Variants in N4BP2L1 observed in about 807,000 individuals in gnomAD.
N4BP2L1 encodes the protein NEDD4 binding protein 2 like 1, also known as NEDD4-binding protein 2-like 1.
N4BP2L1 carries 12 observed loss-of-function variants against 21.2 expected under a neutral mutation model. That is an observed-to-expected ratio of 0.57 (90% CI 0.36 to 0.92). N4BP2L1 has a LOEUF of 0.92. N4BP2L1 is among the 40% of genes least tolerant of loss of function. The pLI, the probability that N4BP2L1 is intolerant of heterozygous loss-of-function variation, is 0.01. For missense variants in N4BP2L1, 259 were observed against 310.6 expected (o/e 0.83, Z 1.25); for synonymous variants, 104 against 112.8 (o/e 0.92, Z 0.49).
At position 32,423,305 on chromosome 13, in the gene N4BP2L1, G is replaced by A. The variant is rs573743088; in HGVS notation, c.179+4599C>T. Among the ~76,000 whole-genome samples, 9 of 152,240 alleles carry A rather than the reference G, an allele frequency of 5.9e-5. No homozygotes were observed. The South Asian group carries it at 8.3e-4, about 14-fold the overall frequency. On this transcript the variant is annotated intron_variant, in intron 1 of 4. Coordinates refer to ENST00000380130, the MANE Select transcript of N4BP2L1 (RefSeq NM_052818.3). ...ATAAGGAGAAAAGACAGCTGTCAGC[G>A]GGCATCCTTTGAGCCTAACTGAATC...
At position 32,422,290 on chromosome 13, in the gene N4BP2L1, C is replaced by T. The variant is rs554389455; in HGVS notation, c.179+5614G>A. The stretch of plus-strand genomic sequence containing the variant: ...TTTTTCATTATACGACAGATCAAAA[C>T]CAAACTCATTACCCTTTCACGAGAT... On this transcript the variant is annotated intron_variant, in intron 1 of 4. Transcript: ENST00000380130. 2.0e-5 allele frequency among the ~76,000 whole-genome samples: 3 copies of T among 152,176 alleles called. No individual in the cohort carries two copies. The East Asian group carries it at 5.8e-4, about 29-fold the overall frequency.
chr13:32,412,756 T>C (rs570053854), intron 1 of N4BP2L1, among the ~76,000 whole-genome samples: 1 of 152,328 alleles, frequency 6.6e-6, no homozygotes, highest in South Asian at 2.1e-4. Flanking sequence ...AATACCATTA[T>C]TGCATCTAAA....
chr13:32,403,205 ATGG>A lies in N4BP2L1; in HGVS notation c.474-8_474-6del. ...GAGACACCATGAATGTTTCTTCTACATGGAAAAAAAATGCATTTAGTTAAGGCA... is the reference window on the plus strand; with the variant it reads ...GAGACACCATGAATGTTTCTTCTACAAAAAAAAATGCATTTAGTTAAGGCA... On this transcript the variant is annotated splice_region_variant and splice_polypyrimidine_tract_variant and intron_variant, in intron 4 of 4. Transcript: ENST00000380130. 2 of 1,584,344 alleles carry A rather than the reference ATGG, an allele frequency of 1.3e-6. No individual in the cohort carries two copies. The highest frequency in any genetic ancestry group is 1.8e-5 in the Admixed American group (1 of 55,472).
intron 3 of N4BP2L1, among the ~76,000 whole-genome samples, chr13:32,405,892 CTTTTTTTTTTTT>C (rs754694153): frequency 2.0e-5 from 2 of 101,192 alleles, no homozygotes; most frequent in Non-Finnish European, 3.7e-5. Context: ...TTCCTGCCCC[CTTTTTTTTTTTT>C]TTTTTTTTTT....
chr13:32,411,757 T>A (rs1045600668), intron 1 of N4BP2L1: 2 of 980,364 alleles, frequency 2.0e-6, no homozygotes, highest in African/African-American at 3.5e-5. Context: ...CTTATTCTTT[T>A]GTGTAATTCT....
At chr13:32,417,633 CT>C in intron 1 of N4BP2L1, among the ~76,000 whole-genome samples, 1 of 152,182 alleles carries the variant, frequency 6.6e-6, no homozygotes, top group South Asian at 2.1e-4. Flanking sequence ...GTGAAAGCAA[CT>C]TTGGAACTGG....
intron 3 of N4BP2L1, among the ~76,000 whole-genome samples, chr13:32,405,891 C>T (rs1276497169): frequency 1.5e-5 from 2 of 134,174 alleles, no homozygotes; most frequent in Admixed American, 1.6e-4. Context: ...CTTCCTGCCC[C>T]CTTTTTTTTT....
At chr13:32,403,735 C>G (rs1566279577) in intron 4 of N4BP2L1, 1 of 536,236 alleles carries the variant, frequency 1.9e-6, no homozygotes, top group Non-Finnish European at 3.8e-6. Context: ...GAGTAGTCCA[C>G]AGATCCACTT....
Position 32,401,630 on chromosome 13 carries a change from C to G in N4BP2L1, c.*1312G>C, listed in dbSNP as rs1434657185. 1.3e-5 allele frequency: 2 copies of G among 152,458 alleles called. No homozygotes were observed. Among genetic ancestry groups the G allele is most frequent in the African/African-American group, 4.8e-5 (2 of 41,380 alleles). 9.4% of individuals were successfully genotyped at this position (152,458 alleles called of 1,614,324 possible). A position where few individuals can be genotyped will look rare whatever the true frequency, so the allele number is the denominator to read the frequency against. ...ATTAAAAAAAAGACTGGTAAATAAG[C>G]CTGTGATACAGAAAAACTGGTATAT... On this transcript the variant is annotated 3_prime_UTR_variant, in exon 5 of 5. Transcript: ENST00000380130.
At position 32,402,546 on chromosome 13, in the gene N4BP2L1, C is replaced by T; in HGVS notation, c.*396G>A. On this transcript the variant is annotated 3_prime_UTR_variant, in exon 5 of 5. Coordinates refer to ENST00000380130, the MANE Select transcript of N4BP2L1 (RefSeq NM_052818.3). Reference sequence around the variant, plus strand: ...CCCCCCACCACTTCTCTCCACCTTCCCAACTTTACCGATGGAGATGAATTT... The same window carrying T: ...CCCCCCACCACTTCTCTCCACCTTCTCAACTTTACCGATGGAGATGAATTT... The T allele has an allele frequency of 1.0e-6, 1 of 989,596 alleles. No homozygotes were observed. Among genetic ancestry groups the T allele is most frequent in the Non-Finnish European group, 1.2e-6 (1 of 832,900 alleles). The allele number at this position is 989,596 out of a possible 1,614,324, so 61.3% of individuals were successfully genotyped here.
intron 1 of N4BP2L1, among the ~76,000 whole-genome samples, chr13:32,424,110 T>A (rs997859625): frequency 6.6e-6 from 1 of 152,174 alleles, no homozygotes; most frequent in Admixed American, 6.5e-5. Flanking sequence ...GGCATTAGAA[T>A]CTTATTTCTT....
intron 1 of N4BP2L1, among the ~76,000 whole-genome samples, chr13:32,414,742 A>G (rs1038861022): frequency 6.6e-6 from 1 of 152,138 alleles, no homozygotes; most frequent in Non-Finnish European, 1.5e-5. Flanking sequence ...ATTTACTTTT[A>G]CTTGGTTTAC....
rs2073150260 is a variant in N4BP2L1 at position 32,401,874 on chromosome 13, A to G, written c.*1068T>C. ...TACGTCCTCTGTGGTCTTGTCTATC[A>G]TGATCTCACATTAAATCTGATTCCA... On this transcript the variant is annotated 3_prime_UTR_variant, in exon 5 of 5. Coordinates refer to ENST00000380130, the MANE Select transcript of N4BP2L1 (RefSeq NM_052818.3). 1 of 966,970 alleles carries G rather than the reference A, an allele frequency of 1.0e-6. No individual in the cohort carries two copies. The allele number at this position is 966,970 out of a possible 1,614,324, so 59.9% of individuals were successfully genotyped here.
chr13:32,415,220 C>A (rs2074066169), intron 1 of N4BP2L1, among the ~76,000 whole-genome samples: 1 of 152,146 alleles, frequency 6.6e-6, no homozygotes, highest in Admixed American at 6.5e-5. Context: ...GTGGCCACTG[C>A]AGGGCCAGGC....
chr13:32,429,573 G>C (rs1458677880), upstream of N4BP2L1, among the ~76,000 whole-genome samples: 1 of 152,204 alleles, frequency 6.6e-6, no homozygotes, highest in African/African-American at 2.4e-5. Flanking sequence ...TGAGCACTTG[G>C]AATGTGGCTA....
At chr13:32,428,293 C>A, upstream of N4BP2L1, 1 of 409,066 alleles carries the variant, frequency 2.4e-6, no homozygotes. Context: ...GACTCACAGC[C>A]CGGAAAACAA....
chr13:32,407,763 C>A lies in N4BP2L1; in HGVS notation c.189G>T (p.Gln63His). Residue 63 changes from glutamine to histidine, a missense_variant, in exon 2 of 5, where the codon CAG becomes CAT. Gln to His is a conservative substitution (Grantham distance 24). This residue lies in a region of N4BP2L1 where 91 missense variants were observed against 148.1 expected (regional missense o/e 0.61). Coordinates refer to ENST00000380130, the MANE Select transcript of N4BP2L1 (RefSeq NM_052818.3). ...AAATCAGGGCCCTGGGAAAGTCATG[C>A]TGCAATTGTCTGGAAAGTGGAGAAA... ...SGKTTLARQL[Q>H]HDFPRALIFS... The A allele has an allele frequency of 6.3e-7, 1 of 1,590,684 alleles. No individual in the cohort carries two copies.
intron 4 of N4BP2L1, among the ~76,000 whole-genome samples, chr13:32,404,009 A>C (rs1197016351): frequency 6.6e-6 from 1 of 152,224 alleles, no homozygotes; most frequent in Non-Finnish European, 1.5e-5. Context: ...CACCATTGAC[A>C]TGTGCAGTCC....
chr13:32,412,843 TCCTGAAAGAG>T (rs1222063451), intron 1 of N4BP2L1, among the ~76,000 whole-genome samples: 2 of 152,162 alleles, frequency 1.3e-5, no homozygotes, highest in African/African-American at 4.8e-5. Flanking sequence ...GGGCCTGTCA[TCCTGAAAGAG>T]CCTGAAAGAG....
Sources: gnomAD v4.1 joint callset for allele counts (sites outside exome capture counted in the v4.1 genomes callset) on GRCh38, gnomAD v4.1.1 for gene constraint, gnomAD v4.1.1 regional missense constraint, MANE v1.5 for transcripts, NCBI Gene and HGNC (gene_info 2026-07-23, HGNC 2026-07-21) for gene names.